Variants in ZFR observed in about 807,000 individuals in gnomAD.
The protein encoded by ZFR is zinc finger RNA-binding protein.
A neutral mutation model predicts 130.7 loss-of-function variants in ZFR; 19 were observed. That is an observed-to-expected ratio of 0.15 (90% CI 0.10 to 0.21). The LOEUF (loss-of-function observed/expected upper bound fraction) is 0.21. Ranked by LOEUF, ZFR falls within the 10% of genes least tolerant of loss-of-function variation. The pLI is 1.00. For synonymous variants in ZFR, 466 were observed against 456.9 expected (o/e 1.02, Z -0.25); for missense variants, 872 against 1,321.5 (o/e 0.66, Z 5.27).
intron 2 of ZFR, among the ~76,000 whole-genome samples, chr5:32,426,519 G>A (rs1000601252): frequency 6.6e-6 from 1 of 152,164 alleles, no homozygotes; most frequent in East Asian, 1.9e-4. Context: ...CTAAGATCAG[G>A]AAGAAGACAA....
chr5:32,395,859 C>T (rs1486498405), intron 10 of ZFR, among the ~76,000 whole-genome samples: 1 of 151,892 alleles, frequency 6.6e-6, no homozygotes, highest in Non-Finnish European at 1.5e-5. Flanking sequence ...CATGACATAC[C>T]AAAAATGTGT....
At chr5:32,371,409 G>GA (rs973337372) in intron 17 of ZFR, among the ~76,000 whole-genome samples, 4 of 152,108 alleles carry the variant, frequency 2.6e-5, no homozygotes, top group Non-Finnish European at 1.5e-5. Context: ...TGCATTTCAG[G>GA]AAAAAATGTA....
chr5:32,370,374 GCAGACAGA>G (rs933290594), intron 17 of ZFR, among the ~76,000 whole-genome samples: 1 of 142,680 alleles, frequency 7.0e-6, no homozygotes, highest in Non-Finnish European at 1.5e-5. Context: ...AGACAGGCAG[GCAGACAGA>G]CAGACAGACA....
chr5:32,444,126 G>A, intron 2 of ZFR, 103 bp downstream of exon 2: 2 of 1,329,572 alleles, frequency 1.5e-6, no homozygotes, highest in South Asian at 1.4e-5. Flanking sequence ...CAGCGGGCCG[G>A]GGCTCTGGGA....
chr5:32,368,058 A>G (rs1231311964), intron 17 of ZFR, among the ~76,000 whole-genome samples: 1 of 152,084 alleles, frequency 6.6e-6, no homozygotes, highest in African/African-American at 2.4e-5. Context: ...TGATCCAGAG[A>G]GAAAACATTA....
At chr5:32,433,421 G>C (rs72735357) in intron 2 of ZFR, among the ~76,000 whole-genome samples, 7 of 152,232 alleles carry the variant, frequency 4.6e-5, no homozygotes, top group Non-Finnish European at 8.8e-5. Context: ...GCTCAATTTT[G>C]ATGCACAAAC....
At chr5:32,356,087 C>A (rs1009009599) in intron 19 of ZFR, 148 bp from the exon 20 acceptor site, 6 of 543,858 alleles carry the variant, frequency 1.1e-5, no homozygotes, top group Non-Finnish European at 1.8e-5. Context: ...CTGAAATAAT[C>A]TGTATGTTCT....
chr5:32,412,016 T>C (rs370311873), intron 5 of ZFR, among the ~76,000 whole-genome samples: 1 of 152,156 alleles, frequency 6.6e-6, no homozygotes, highest in Non-Finnish European at 1.5e-5. Flanking sequence ...GAGGGAACTC[T>C]AGAGAAGAAT....
At chr5:32,405,646 T>C (rs1025185042) in intron 6 of ZFR, among the ~76,000 whole-genome samples, 19 of 152,060 alleles carry the variant, frequency 1.2e-4, no homozygotes, top group South Asian at 2.1e-4. Flanking sequence ...CAACATAGAG[T>C]AGGAAATGCT....
At chr5:32,390,817 A>T (rs1753151016) in intron 11 of ZFR, among the ~76,000 whole-genome samples, 1 of 152,190 alleles carries the variant, frequency 6.6e-6, no homozygotes. Context: ...CCTCAAAGAA[A>T]CATGCTCTTT....
intron 5 of ZFR, among the ~76,000 whole-genome samples, chr5:32,413,425 T>G (rs1008363424): frequency 3.5e-4 from 53 of 152,248 alleles, no homozygotes; most frequent in African/African-American, 1.2e-3. Context: ...GACAGAGACG[T>G]GCACTAAAAT....
chr5:32,387,495 C>T, intron 14 of ZFR, 54 bp downstream of exon 14: 1 of 1,591,120 alleles, frequency 6.3e-7, no homozygotes, highest in East Asian at 2.3e-5. Flanking sequence ...TCAGTCCCGC[C>T]AAAAACTTCT....
chr5:32,414,280 T>G (rs1164662997), intron 5 of ZFR, among the ~76,000 whole-genome samples: 1 of 152,154 alleles, frequency 6.6e-6, no homozygotes, highest in African/African-American at 2.4e-5. Context: ...TAAAAGAGTG[T>G]CATTCACAGC....
At chr5:32,414,199 AC>A (rs1209144142) in intron 5 of ZFR, among the ~76,000 whole-genome samples, 1 of 151,970 alleles carries the variant, frequency 6.6e-6, no homozygotes. Flanking sequence ...GTTCTCAAAC[AC>A]TCCGTGCATT....
intron 9 of ZFR, among the ~76,000 whole-genome samples, chr5:32,398,172 A>C (rs1380034148): frequency 1.3e-5 from 2 of 152,062 alleles, no homozygotes; most frequent in Admixed American, 6.6e-5. Flanking sequence ...TTTCAATTTA[A>C]TATTTTTGTA....
chr5:32,423,785 G>A (rs893359397), intron 2 of ZFR, among the ~76,000 whole-genome samples: 1 of 152,086 alleles, frequency 6.6e-6, no homozygotes, highest in African/African-American at 2.4e-5. Flanking sequence ...AAAAGATCCT[G>A]TCTCCAGAGA....
At chr5:32,408,974 C>T (rs1339965491) in intron 5 of ZFR, among the ~76,000 whole-genome samples, 1 of 152,194 alleles carries the variant, frequency 6.6e-6, no homozygotes, top group Non-Finnish European at 1.5e-5. Context: ...TCTCACCATT[C>T]CAATTTATTT....
intron 17 of ZFR, among the ~76,000 whole-genome samples, chr5:32,372,158 C>T (rs1752681567): frequency 6.6e-6 from 1 of 152,186 alleles, no homozygotes; most frequent in Non-Finnish European, 1.5e-5. Context: ...AATCCTACTC[C>T]TTTTCATAAG....
chr5:32,424,929 A>G (rs1754040752), intron 2 of ZFR, among the ~76,000 whole-genome samples: 1 of 151,970 alleles, frequency 6.6e-6, no homozygotes, highest in Non-Finnish European at 1.5e-5. Context: ...AAGGAGTGAA[A>G]CACAAGAGTT....
Sources: allele counts gnomAD v4.1 joint callset (sites outside exome capture counted in the v4.1 genomes callset), GRCh38; gene constraint gnomAD v4.1.1; transcripts MANE v1.5; gene names NCBI Gene and HGNC (gene_info 2026-07-23, HGNC 2026-07-21).